MAN2A1: variants seen among roughly 807,000 people sequenced by gnomAD.
MAN2A1 encodes alpha-mannosidase 2.
In MAN2A1, 76 loss-of-function variants were observed where a neutral mutation model predicts 142.6. The observed-to-expected ratio is 0.53, with a 90% CI of 0.44 to 0.65. The LOEUF (loss-of-function observed/expected upper bound fraction) is 0.65. Among genes scored for constraint, MAN2A1 ranks in the 30% least tolerant of loss-of-function variants. The probability of loss-of-function intolerance (pLI) is 0.00; values close to 1 mark genes in which losing one functional copy is unlikely to be tolerated. For synonymous variants in MAN2A1, 559 were observed against 473.2 expected (o/e 1.18, Z -2.35); for missense variants, 1,311 against 1,365.1 (o/e 0.96, Z 0.62).
chr5:109,733,058 T>C (rs1487237191), intron 4 of MAN2A1, among the ~76,000 whole-genome samples: 6 of 152,222 alleles, frequency 3.9e-5, no homozygotes, highest in East Asian at 3.9e-4. Context: ...GTTTGTAGTT[T>C]TCCTTGAAGA....
chr5:109,755,220 A>G (rs1003654812), intron 4 of MAN2A1, 109 bp from the exon 5 acceptor site: 2 of 817,312 alleles, frequency 2.4e-6, no homozygotes, highest in Non-Finnish European at 4.0e-6. Context: ...CAACTAGTAT[A>G]CATACTGGTT....
chr5:109,778,939 T>A (rs1273243334), intron 8 of MAN2A1, among the ~76,000 whole-genome samples: 3 of 152,152 alleles, frequency 2.0e-5, no homozygotes, highest in Non-Finnish European at 4.4e-5. Flanking sequence ...TGATCATCAT[T>A]TAACAATTTT....
At position 109,712,866 on chromosome 5, in the gene MAN2A1, G is replaced by T. The variant is rs182507989; in HGVS notation, c.136-654G>T. ...GATTGTCCCTGCTCTCATAAGGTGAGGTATTATTTTGTATAACGAGGTTTA... is the reference window on the plus strand; with the variant it reads ...GATTGTCCCTGCTCTCATAAGGTGATGTATTATTTTGTATAACGAGGTTTA... On this transcript the variant is annotated intron_variant, in intron 1 of 21. Transcript: ENST00000261483. Among the ~76,000 whole-genome samples the T allele has an allele frequency of 3.0e-4, 46 of 152,266 alleles. 1 individual carries two copies. The highest frequency in any genetic ancestry group is 9.1e-4 in the Admixed American group (14 of 15,302).
In MAN2A1 at chr5:109,736,006, C is replaced by T. The variant is rs543760919; in HGVS notation, c.707+6493C>T. On this transcript the variant is annotated intron_variant, in intron 4 of 21. Coordinates refer to ENST00000261483, the MANE Select transcript of MAN2A1 (RefSeq NM_002372.4). ...TAACTACCTCATCCAAAGGGGCTAG[C>T]CACATCCACTCTAGGCATGTGCTGC... Among the ~76,000 whole-genome samples, 28 of 150,970 alleles carry T rather than the reference C, an allele frequency of 1.9e-4. No individual in the cohort carries two copies. In the East Asian group the frequency reaches 4.8e-3, roughly 26 times the overall value.
intron 19 of MAN2A1, among the ~76,000 whole-genome samples, chr5:109,850,447 T>G (rs1026326600): frequency 2.1e-4 from 32 of 152,226 alleles, no homozygotes; most frequent in African/African-American, 7.0e-4. Flanking sequence ...AAAGCAAAAA[T>G]TCTTCCAGTA....
At chr5:109,831,416 A>C (rs539296582) in intron 16 of MAN2A1, among the ~76,000 whole-genome samples, 11 of 152,370 alleles carry the variant, frequency 7.2e-5, no homozygotes, top group African/African-American at 2.6e-4. Flanking sequence ...CATGAAAGGC[A>C]GAAAGGAGGA....
chr5:109,699,600 T>TAAGA (rs1750915304), intron 1 of MAN2A1: 1 of 57,894 alleles, frequency 1.7e-5, no homozygotes, highest in Admixed American at 1.4e-4. Context: ...TATTTGTCAG[T>TAAGA]TAGAGCTCGT....
chr5:109,850,363 C>T (rs1755453783), intron 19 of MAN2A1, among the ~76,000 whole-genome samples: 1 of 152,038 alleles, frequency 6.6e-6, no homozygotes, highest in African/African-American at 2.4e-5. Context: ...CCTTCATTTT[C>T]ATTTGTCCTT....
intron 12 of MAN2A1, among the ~76,000 whole-genome samples, chr5:109,813,138 T>A (rs1011734756): frequency 7.2e-5 from 11 of 152,228 alleles, no homozygotes; most frequent in Admixed American, 6.5e-4. Flanking sequence ...TATTGCAAGT[T>A]TTTTTCTGTT....
intron 8 of MAN2A1, 26 bp downstream of exon 8, chr5:109,774,991 G>T (rs770170442): frequency 1.3e-6 from 2 of 1,496,432 alleles, no homozygotes; most frequent in Admixed American, 3.8e-5. Flanking sequence ...TTATGATTCC[G>T]TATTTGAAAT....
intron 4 of MAN2A1, among the ~76,000 whole-genome samples, chr5:109,744,755 C>T (rs1306810176): frequency 1.3e-5 from 2 of 151,976 alleles, no homozygotes; most frequent in Non-Finnish European, 2.9e-5. Context: ...GGGCTCCACT[C>T]CTAGCAATTT....
chr5:109,844,820 A>C (rs1188775418), intron 17 of MAN2A1, among the ~76,000 whole-genome samples: 2 of 152,182 alleles, frequency 1.3e-5, no homozygotes, highest in Non-Finnish European at 2.9e-5. Context: ...CTTCTTGTAA[A>C]GATGCCAGTC....
At chr5:109,725,549 C>G (rs1751721612) in intron 3 of MAN2A1, among the ~76,000 whole-genome samples, 1 of 152,192 alleles carries the variant, frequency 6.6e-6, no homozygotes, top group South Asian at 2.1e-4. Flanking sequence ...TTTCTGGACC[C>G]TGGTACTCAG....
chr5:109,787,635 G>A (rs1753627722), intron 10 of MAN2A1, among the ~76,000 whole-genome samples: 1 of 151,924 alleles, frequency 6.6e-6, no homozygotes, highest in African/African-American at 2.4e-5. Flanking sequence ...TGCAGACATT[G>A]ATCCTGGCTT....
chr5:109,823,977 A>T (rs1754696256), intron 16 of MAN2A1, 140 bp downstream of exon 16: 5 of 501,766 alleles, frequency 1.0e-5, no homozygotes, highest in Non-Finnish European at 1.0e-5. Flanking sequence ...ATGATTTAAA[A>T]TATGAAACTT....
At chr5:109,785,483 G>C (rs1296180607) in intron 10 of MAN2A1, among the ~76,000 whole-genome samples, 3 of 151,896 alleles carry the variant, frequency 2.0e-5, no homozygotes, top group Admixed American at 1.3e-4. Flanking sequence ...CCTGGGTGTT[G>C]GTATCAAAGC....
At chr5:109,865,994 G>C (rs1434953500) in intron 21 of MAN2A1, among the ~76,000 whole-genome samples, 1 of 152,114 alleles carries the variant, frequency 6.6e-6, no homozygotes, top group African/African-American at 2.4e-5. Flanking sequence ...AGACTCAAGT[G>C]ATTCAGTTCC....
At chr5:109,771,838 C>T (rs1419760472) in intron 7 of MAN2A1, among the ~76,000 whole-genome samples, 1 of 152,162 alleles carries the variant, frequency 6.6e-6, no homozygotes, top group Non-Finnish European at 1.5e-5. Context: ...CAAGATGTTT[C>T]AGCTGGGGAG....
chr5:109,745,113 G>A (rs561571386), intron 4 of MAN2A1, among the ~76,000 whole-genome samples: 12 of 152,166 alleles, frequency 7.9e-5, no homozygotes, highest in African/African-American at 1.2e-4. Context: ...GTGAGTGGGC[G>A]AGCATGGATT....
Sources: gnomAD v4.1 joint callset for allele counts (sites outside exome capture counted in the v4.1 genomes callset) on GRCh38, gnomAD v4.1.1 for gene constraint, MANE v1.5 for transcripts, NCBI Gene and HGNC (gene_info 2026-07-23, HGNC 2026-07-21) for gene names.